SPECC1: variants seen among roughly 807,000 people sequenced by gnomAD.
The protein encoded by SPECC1 is sperm antigen with calponin homology and coiled-coil domains 1, also known as cytospin-B.
A neutral mutation model predicts 104.1 loss-of-function variants in SPECC1; 62 were observed. That is an observed-to-expected ratio of 0.60 (90% CI 0.49 to 0.74). The LOEUF (loss-of-function observed/expected upper bound fraction) is 0.74, where lower values mean the gene tolerates loss of function less well. Ranked by LOEUF, SPECC1 falls within the 30% of genes least tolerant of loss-of-function variation. The pLI is 0.00. For missense variants in SPECC1, 1,306 were observed against 1,310.5 expected (o/e 1.00, Z 0.05); for synonymous variants, 513 against 501.6 (o/e 1.02, Z -0.30).
chr17:20,031,209 G>C (rs1331872567), intron 1 of SPECC1, among the ~76,000 whole-genome samples: 2 of 152,132 alleles, frequency 1.3e-5, no homozygotes, highest in Non-Finnish European at 2.9e-5. Context: ...TGGCCAGGCT[G>C]GTCTCAAACT....
intron 1 of SPECC1, among the ~76,000 whole-genome samples, chr17:20,056,829 ATAAT>A (rs1281562019): frequency 9.2e-5 from 14 of 152,232 alleles, no homozygotes; most frequent in Admixed American, 9.2e-4. Context: ...AGAGAAAAAA[ATAAT>A]TAAAAAATTA....
chr17:20,270,466 A>C (rs940597933), intron 12 of SPECC1, among the ~76,000 whole-genome samples: 10 of 111,216 alleles, frequency 9.0e-5, no homozygotes, highest in Admixed American at 3.9e-4. Context: ...AAAAAAAAAA[A>C]ACATTAGCCG....
chr17:20,189,339 G>C (rs909090672), intron 3 of SPECC1, among the ~76,000 whole-genome samples: 1 of 152,202 alleles, frequency 6.6e-6, no homozygotes, highest in African/African-American at 2.4e-5. Flanking sequence ...AGGAAGCTAA[G>C]GCGCAGTATG....
chr17:20,218,785 C>T (rs1324243531), intron 4 of SPECC1, among the ~76,000 whole-genome samples: 1 of 152,134 alleles, frequency 6.6e-6, no homozygotes, highest in Non-Finnish European at 1.5e-5. Context: ...CATTAACCAT[C>T]CCTGTTTCCA....
At position 20,103,111 on chromosome 17, in the gene SPECC1, C is replaced by T. The variant is rs544457996; in HGVS notation, c.147+6313C>T. 7.9e-4 allele frequency among the ~76,000 whole-genome samples: 120 copies of T among 152,350 alleles called. 1 individual carries two copies. The highest frequency in any genetic ancestry group is 1.2e-3 in the Non-Finnish European group (84 of 68,032). On this transcript the variant is annotated intron_variant, in intron 2 of 14. Transcript: ENST00000395527. ...GTATTTTCAGCCCTTGGCCACTAAA[C>T]TGTGCTGCCACGTGACATAGCTTTT...
chr17:20,081,710 G>A (rs532637353), intron 1 of SPECC1, among the ~76,000 whole-genome samples: 7 of 152,188 alleles, frequency 4.6e-5, no homozygotes, highest in Admixed American at 4.6e-4. Flanking sequence ...TAGAGCCCAC[G>A]GGTGCAGCGT....
intron 3 of SPECC1, among the ~76,000 whole-genome samples, chr17:20,156,389 G>A (rs1373167996): frequency 6.6e-6 from 1 of 152,158 alleles, no homozygotes; most frequent in Non-Finnish European, 1.5e-5. Context: ...TGCGCCGCTT[G>A]GGATTGTGAA....
chr17:20,291,585 T>C (rs917551257), intron 12 of SPECC1, among the ~76,000 whole-genome samples: 5 of 152,084 alleles, frequency 3.3e-5, no homozygotes, highest in Admixed American at 2.6e-4. Context: ...TGCTCTGTCA[T>C]GCAGGCGGGA....
chr17:20,270,455 A>G (rs1010266507), intron 12 of SPECC1, among the ~76,000 whole-genome samples: 1 of 147,584 alleles, frequency 6.8e-6, no homozygotes, highest in Non-Finnish European at 1.5e-5. Context: ...AAAAAAAAAA[A>G]AAAAAAAAAA....
intron 1 of SPECC1, among the ~76,000 whole-genome samples, chr17:20,049,700 T>A (rs1279742212): frequency 6.6e-6 from 1 of 152,208 alleles, no homozygotes; most frequent in Non-Finnish European, 1.5e-5. Context: ...TGATTTTCTC[T>A]TTTATAACTT....
chr17:20,221,020 T>A (rs1407651000), intron 4 of SPECC1, among the ~76,000 whole-genome samples: 3 of 152,354 alleles, frequency 2.0e-5, no homozygotes, highest in South Asian at 4.1e-4. Context: ...TCCCACTTGG[T>A]CATGATGAAT....
rs1351448289 is a variant in SPECC1, at chr17:20,315,600, A to AT, written c.*1537dup. On this transcript the variant is annotated 3_prime_UTR_variant, in exon 15 of 15. Transcript: ENST00000395527. ...GTCACCGAGAATGACAGTGACTGCC[A>AT]TTACTATTCAAAGTACATCTCTGAT... 4.3e-6 allele frequency: 1 copy of AT among 232,596 alleles called. No individual in the cohort carries two copies. The highest frequency in any genetic ancestry group is 8.5e-6 in the Non-Finnish European group (1 of 117,794). The allele number at this position is 232,596 out of a possible 1,614,324, so 14.4% of individuals were successfully genotyped here. A position where few individuals can be genotyped will look rare whatever the true frequency, so the allele number is the denominator to read the frequency against.
Position 20,205,642 on chromosome 17 carries a change from C to T in SPECC1, c.1593C>T (p.Asn531=). Residue 531 remains asparagine (N), a synonymous_variant, in exon 4 of 15, where the codon AAC becomes AAT. Coordinates refer to ENST00000395527, the MANE Select transcript of SPECC1 (RefSeq NM_001243439.2). ...TAGAACTGGAACGGCATAATAATAA[C>T]ATGATGGCCAAAACTTTGGAAGAGT... is the stretch of plus-strand genomic sequence containing the variant. ...EFLELERHNN[N]MMAKTLEECR... is the part of the protein sequence containing the mutation. The T allele has an allele frequency of 1.2e-6, 2 of 1,614,166 alleles. No individual in the cohort carries two copies. Among genetic ancestry groups the T allele is most frequent in the South Asian group, 1.1e-5 (1 of 91,086 alleles).
intron 4 of SPECC1, among the ~76,000 whole-genome samples, chr17:20,225,293 A>G (rs1680268696): frequency 6.6e-6 from 1 of 151,974 alleles, no homozygotes; most frequent in African/African-American, 2.4e-5. Flanking sequence ...GGTCATGTGC[A>G]CTCCAAGTCC....
chr17:20,156,468 G>A (rs1597835874), intron 3 of SPECC1, among the ~76,000 whole-genome samples: 1 of 152,288 alleles, frequency 6.6e-6, no homozygotes, highest in East Asian at 1.9e-4. Flanking sequence ...CGCCGGGGCC[G>A]CCGGGCAGGC....
At chr17:20,251,833 T>C (rs1598087272) in intron 9 of SPECC1, among the ~76,000 whole-genome samples, 1 of 152,358 alleles carries the variant, frequency 6.6e-6, no homozygotes, top group East Asian at 1.9e-4. Context: ...TTGAGGTAAG[T>C]ACGTTTAGTA....
chr17:20,179,143 G>C (rs116940086), intron 3 of SPECC1, among the ~76,000 whole-genome samples: 3,573 of 152,328 alleles, frequency 0.023, 67 homozygotes, highest in Non-Finnish European at 0.037. Context: ...CTGTGAAATT[G>C]TTAGAAGGGC....
chr17:20,227,601 A>G lies in SPECC1; in HGVS notation c.2052A>G (p.Gln684=). ...GGGCTGTCAAGTTACACAATAATCA[A>G]CTCATCAGTGAGCTAGAAAGTAAGT... ...QHRAVKLHNN[Q]LISELESSVI... Residue 684 remains glutamine (Q), a synonymous_variant, in exon 5 of 15, where the codon CAA becomes CAG. Coordinates refer to ENST00000395527, the MANE Select transcript of SPECC1 (RefSeq NM_001243439.2). 2 of 1,611,726 alleles carry G rather than the reference A, an allele frequency of 1.2e-6. No homozygotes were observed. Among genetic ancestry groups the G allele is most frequent in the Admixed American group, 1.7e-5 (1 of 59,094 alleles).
intron 13 of SPECC1, 134 bp downstream of exon 13, chr17:20,297,211 T>A: frequency 1.5e-6 from 1 of 671,880 alleles, no homozygotes; most frequent in Non-Finnish European, 2.5e-6. Flanking sequence ...AGATAACTCC[T>A]GAATGTTTGA....
Sources: allele counts gnomAD v4.1 joint callset (sites outside exome capture counted in the v4.1 genomes callset), GRCh38; gene constraint gnomAD v4.1.1; transcripts MANE v1.5; gene names NCBI Gene and HGNC (gene_info 2026-07-23, HGNC 2026-07-21).